PINX1: variants seen among roughly 807,000 people sequenced by gnomAD.
PINX1 encodes PIN2/TERF1-interacting telomerase inhibitor 1.
In PINX1, 34 loss-of-function variants were observed where a neutral mutation model predicts 25.4. That is an observed-to-expected ratio of 1.34 (90% CI 1.02 to 1.78). PINX1 has a LOEUF of 1.78. Ranked by LOEUF, PINX1 falls within the 40% of genes most tolerant of loss-of-function variation. The pLI, the probability that PINX1 is intolerant of heterozygous loss-of-function variation, is 0.00. For missense variants in PINX1, 592 were observed against 404.9 expected (o/e 1.46, Z -3.97); for synonymous variants, 197 against 147.7 (o/e 1.33, Z -2.42).
chr8:10,814,400 C>T (rs1228259729), intron 6 of PINX1, among the ~76,000 whole-genome samples: 1 of 152,108 alleles, frequency 6.6e-6, no homozygotes, highest in African/African-American at 2.4e-5. Flanking sequence ...ATACGAAGCA[C>T]CAATGAAGTC....
chr8:10,766,502 G>A (rs752916066), intron 6 of PINX1, among the ~76,000 whole-genome samples: 52 of 152,194 alleles, frequency 3.4e-4, no homozygotes, highest in Non-Finnish European at 5.9e-4. Context: ...GGCCGCTCTG[G>A]CAGCTGCTCC....
chr8:10,830,001 T>C (rs1021653677), intron 4 of PINX1, among the ~76,000 whole-genome samples: 1 of 152,242 alleles, frequency 6.6e-6, no homozygotes, highest in Non-Finnish European at 1.5e-5. Flanking sequence ...GTGTTTCTAC[T>C]GAGTTCAACT....
intron 6 of PINX1, among the ~76,000 whole-genome samples, chr8:10,803,493 C>T (rs1479825267): frequency 6.6e-6 from 1 of 152,154 alleles, no homozygotes; most frequent in Non-Finnish European, 1.5e-5. Context: ...TCCCACAATC[C>T]CATATTTTTT....
At chr8:10,769,184 G>A (rs1277089608) in intron 6 of PINX1, among the ~76,000 whole-genome samples, 1 of 152,146 alleles carries the variant, frequency 6.6e-6, no homozygotes, top group African/African-American at 2.4e-5. Flanking sequence ...AGGGATTCGG[G>A]AAATGTCTCT....
At chr8:10,833,127 G>T in intron 2 of PINX1, 143 bp from the exon 3 acceptor site, 1 of 561,522 alleles carries the variant, frequency 1.8e-6, no homozygotes, top group Non-Finnish European at 3.2e-6. Flanking sequence ...AAAGCAACAT[G>T]GGGGAGGACT....
At chr8:10,814,531 G>A (rs530435103) in intron 6 of PINX1, among the ~76,000 whole-genome samples, 1 of 152,270 alleles carries the variant, frequency 6.6e-6, no homozygotes, top group African/African-American at 2.4e-5. Context: ...CTGGCAAATT[G>A]GATTGATTTT....
intron 5 of PINX1, among the ~76,000 whole-genome samples, chr8:10,822,447 C>T (rs758180036): frequency 2.6e-5 from 4 of 152,190 alleles, no homozygotes; most frequent in Admixed American, 6.5e-5. Context: ...TATTAGTCTT[C>T]AATGCGTAAC....
chr8:10,782,449 T>C (rs1488398667), intron 6 of PINX1, among the ~76,000 whole-genome samples: 1 of 151,920 alleles, frequency 6.6e-6, no homozygotes, highest in Non-Finnish European at 1.5e-5. Context: ...TTTTAAGTAC[T>C]CAGAGGCCAG....
At chr8:10,838,510 G>A (rs1427140980) in intron 1 of PINX1, among the ~76,000 whole-genome samples, 1 of 152,198 alleles carries the variant, frequency 6.6e-6, no homozygotes, top group Non-Finnish European at 1.5e-5. Context: ...AATATTAAGA[G>A]AAGATTTTGT....
chr8:10,769,609 G>A (rs1801163052), intron 6 of PINX1, among the ~76,000 whole-genome samples: 1 of 152,200 alleles, frequency 6.6e-6, no homozygotes, highest in South Asian at 2.1e-4. Context: ...TCACCACCGT[G>A]CCAGGCACTT....
At chr8:10,772,583 G>T (rs1321906154) in intron 6 of PINX1, among the ~76,000 whole-genome samples, 1 of 152,194 alleles carries the variant, frequency 6.6e-6, no homozygotes, top group Non-Finnish European at 1.5e-5. Flanking sequence ...CTGGAATTAG[G>T]CTAAACGCAC....
chr8:10,808,102 T>C (rs1276574616), intron 6 of PINX1, among the ~76,000 whole-genome samples: 1 of 152,228 alleles, frequency 6.6e-6, no homozygotes, highest in Admixed American at 6.5e-5. Context: ...TTGTACACTA[T>C]TTGGCTTAGC....
At chr8:10,803,208 T>C (rs1052479010) in intron 6 of PINX1, among the ~76,000 whole-genome samples, 5 of 152,234 alleles carry the variant, frequency 3.3e-5, no homozygotes, top group Non-Finnish European at 7.3e-5. Flanking sequence ...TGCTGAAATA[T>C]TTTAAGGTGA....
At chr8:10,794,429 C>G (rs940790850) in intron 6 of PINX1, among the ~76,000 whole-genome samples, 2 of 151,968 alleles carry the variant, frequency 1.3e-5, no homozygotes, top group African/African-American at 4.8e-5. Flanking sequence ...AACCCTTCGC[C>G]TGTTGCTACC....
intron 6 of PINX1, among the ~76,000 whole-genome samples, chr8:10,797,544 G>C (rs1051576528): frequency 2.0e-5 from 3 of 152,172 alleles, no homozygotes; most frequent in African/African-American, 4.8e-5. Flanking sequence ...AAGTCATGTA[G>C]ATTACTGCAG....
At chr8:10,797,354 G>C (rs1187740856) in intron 6 of PINX1, among the ~76,000 whole-genome samples, 3 of 152,190 alleles carry the variant, frequency 2.0e-5, no homozygotes, top group African/African-American at 4.8e-5. Flanking sequence ...CTGACTGTGT[G>C]ACAGAAAGGG....
In PINX1 at chr8:10,777,942, T is replaced by C. The variant is rs557535431; in HGVS notation, c.472-12026A>G. 1.6e-3 allele frequency among the ~76,000 whole-genome samples: 248 copies of C among 152,286 alleles called. 1 individual carries two copies. Among genetic ancestry groups the C allele is most frequent in the African/African-American group, 5.8e-3 (242 of 41,562 alleles). On this transcript the variant is annotated intron_variant, in intron 6 of 6. Transcript: ENST00000314787. ...TCTATCTGCACACCCAGCAATCTCC[T>C]GGGGCCAGGACACACTTGCTCACAC...
At chr8:10,776,522 TA>T (rs1801402345) in intron 6 of PINX1, among the ~76,000 whole-genome samples, 1 of 152,158 alleles carries the variant, frequency 6.6e-6, no homozygotes, top group African/African-American at 2.4e-5. Context: ...ACACTGTCAT[TA>T]ACCTTTGGAA....
At chr8:10,838,696 C>T (rs1798479633) in intron 1 of PINX1, among the ~76,000 whole-genome samples, 1 of 152,126 alleles carries the variant, frequency 6.6e-6, no homozygotes, top group Non-Finnish European at 1.5e-5. Context: ...AAAATAGAAC[C>T]GACGGGTTCA....
Sources: gnomAD v4.1 joint callset for allele counts (sites outside exome capture counted in the v4.1 genomes callset) on GRCh38, gnomAD v4.1.1 for gene constraint, MANE v1.5 for transcripts, NCBI Gene and HGNC (gene_info 2026-07-23, HGNC 2026-07-21) for gene names.